SAMD5: variants seen among roughly 807,000 people sequenced by gnomAD.
SAMD5 encodes the protein sterile alpha motif domain-containing protein 5.
SAMD5 carries 13 observed loss-of-function variants against 11.3 expected under a neutral mutation model. That is an observed-to-expected ratio of 1.15 (90% CI 0.75 to 1.83). SAMD5 has a LOEUF of 1.83. Ranked by LOEUF, SAMD5 falls within the 40% of genes most tolerant of loss-of-function variation. The pLI is 0.00. For missense variants in SAMD5, 255 were observed against 239.1 expected (o/e 1.07, Z -0.44); for synonymous variants, 129 against 111.3 (o/e 1.16, Z -1.00).
At chr6:147,722,761 T>C (rs1051442575) in intron 1 of SAMD5, among the ~76,000 whole-genome samples, 1 of 152,202 alleles carries the variant, frequency 6.6e-6, no homozygotes, top group African/African-American at 2.4e-5. Context: ...ACACTGTGTA[T>C]AAAATAACAG....
chr6:147,891,699 C>T, the SAMD5 span, among the ~76,000 whole-genome samples: 4 of 152,002 alleles, frequency 2.6e-5, no homozygotes, highest in Non-Finnish European at 5.9e-5. Flanking sequence ...CATTTCTGAA[C>T]TCATTTAAGC....
chr6:147,612,925 A>G (rs702356), intron 1 of SAMD5, among the ~76,000 whole-genome samples: 56,669 of 151,980 alleles, frequency 0.37, 12,816 homozygotes, highest in African/African-American at 0.64. Context: ...TTGGTTGGGC[A>G]TGGTGGCTCA....
At chr6:147,623,841 T>C (rs1790008162) in intron 1 of SAMD5, among the ~76,000 whole-genome samples, 1 of 152,198 alleles carries the variant, frequency 6.6e-6, no homozygotes, top group South Asian at 2.1e-4. Context: ...ACTTATTTCC[T>C]GGATCAGTTT....
the SAMD5 span, among the ~76,000 whole-genome samples, chr6:147,858,387 G>GA: frequency 6.6e-6 from 1 of 152,104 alleles, no homozygotes; most frequent in Non-Finnish European, 1.5e-5. Flanking sequence ...CTTTTGGTAA[G>GA]AATTGTTTAA....
rs1193123115 is a variant in SAMD5, at chr6:147,711,015, A to G, written c.163-26302A>G. On this transcript the variant is annotated intron_variant, in intron 1 of 1. Transcript: ENST00000566741. The surrounding 1 kb of genome is among the most constrained non-coding windows in gnomAD (Gnocchi z 4.1). ...GGGAGGGAAGGAAAATAAAGGAAGG[A>G]AGGAAATAAGGAAGGAGGGAAGGAA... Among the ~76,000 whole-genome samples the G allele has an allele frequency of 6.6e-6, 1 of 151,396 alleles. No homozygotes were observed. The highest frequency in any genetic ancestry group is 2.4e-5 in the African/African-American group (1 of 41,146).
intron 1 of SAMD5, among the ~76,000 whole-genome samples, chr6:147,688,709 C>T (rs901657560): frequency 1.3e-5 from 2 of 152,188 alleles, no homozygotes; most frequent in Non-Finnish European, 2.9e-5. Context: ...GCTCACTTCT[C>T]CAAGCTTCTC....
Position 147,570,004 on chromosome 6 carries a change from G to A in SAMD5, c.*5548G>A, listed in dbSNP as rs2128445239. On this transcript the variant is annotated 3_prime_UTR_variant, in exon 2 of 2. Transcript: ENST00000367474. The stretch of plus-strand genomic sequence containing the variant: ...AACATATGTCCGCTCTTCAATAAAT[G>A]TTACGGCTTTCACAGCGGTTCCGCC... The A allele has an allele frequency of 1.0e-6, 1 of 984,612 alleles. No individual in the cohort carries two copies. The highest frequency in any genetic ancestry group is 4.7e-5 in the South Asian group (1 of 21,280). 61.0% of individuals were successfully genotyped at this position (984,612 alleles called of 1,614,324 possible).
chr6:147,774,056 G>C, the SAMD5 span, among the ~76,000 whole-genome samples: 168 of 152,202 alleles, frequency 1.1e-3, no homozygotes, highest in African/African-American at 3.9e-3. Flanking sequence ...GGCCCAGACT[G>C]ACCTCAAACT....
chr6:147,554,642 A>C (rs2128443435), intron 1 of SAMD5, among the ~76,000 whole-genome samples: 1 of 152,282 alleles, frequency 6.6e-6, no homozygotes, highest in South Asian at 2.1e-4. Flanking sequence ...ACAGGAGAGA[A>C]AAGTCACCTC....
chr6:147,670,721 C>A (rs1040670794), intron 1 of SAMD5, among the ~76,000 whole-genome samples: 11 of 152,210 alleles, frequency 7.2e-5, no homozygotes, highest in African/African-American at 2.4e-4. Flanking sequence ...AGAGTTAGAG[C>A]CCTGCTTTGA....
intron 1 of SAMD5, among the ~76,000 whole-genome samples, chr6:147,584,574 A>C (rs1418241946): frequency 6.6e-6 from 1 of 152,182 alleles, no homozygotes; most frequent in African/African-American, 2.4e-5. Flanking sequence ...TTCCTAGCCC[A>C]TAGTCCTTAT....
intron 1 of SAMD5, among the ~76,000 whole-genome samples, chr6:147,704,996 G>A (rs1791306229): frequency 6.6e-6 from 1 of 152,162 alleles, no homozygotes; most frequent in Non-Finnish European, 1.5e-5. Context: ...AAAGTGAGCT[G>A]GGAACTGTGA....
intron 1 of SAMD5, among the ~76,000 whole-genome samples, chr6:147,629,888 A>C (rs1384622124): frequency 6.6e-6 from 1 of 152,020 alleles, no homozygotes; most frequent in Non-Finnish European, 1.5e-5. Flanking sequence ...TGGAGGATCC[A>C]AGTCTAACAC....
chr6:147,877,877 CACACGATAGATA>C, the SAMD5 span, among the ~76,000 whole-genome samples: 5 of 84,568 alleles, frequency 5.9e-5, no homozygotes, highest in African/African-American at 1.8e-4. Flanking sequence ...CACACACACA[CACACGATAGATA>C]GATAGCTAGA....
chr6:147,951,193 T>C, the SAMD5 span, among the ~76,000 whole-genome samples: 478 of 99,022 alleles, frequency 4.8e-3, no homozygotes, highest in African/African-American at 0.014. Context: ...TTCTTTCTTT[T>C]TTTTTTTATG....
the SAMD5 span, among the ~76,000 whole-genome samples, chr6:147,851,871 AT>A: frequency 2.0e-5 from 3 of 152,268 alleles, no homozygotes; most frequent in African/African-American, 4.8e-5. Context: ...GAATATCCAG[AT>A]TTTTTTATCC....
intron 1 of SAMD5, among the ~76,000 whole-genome samples, chr6:147,676,573 G>T (rs1012056184): frequency 6.6e-6 from 1 of 152,060 alleles, no homozygotes; most frequent in South Asian, 2.1e-4. Flanking sequence ...TGAATTCAAC[G>T]AGGGTAGGGA....
intron 1 of SAMD5, among the ~76,000 whole-genome samples, chr6:147,515,683 A>G (rs1388846561): frequency 2.0e-5 from 3 of 152,052 alleles, no homozygotes; most frequent in East Asian, 1.9e-4. Flanking sequence ...TAAGATCACA[A>G]TTGCAAGGAA....
At chr6:147,831,424 C>T in the SAMD5 span, among the ~76,000 whole-genome samples, 3 of 152,188 alleles carry the variant, frequency 2.0e-5, no homozygotes, top group Non-Finnish European at 4.4e-5. Flanking sequence ...CTCCTGCTTT[C>T]CTCTTTTTCT....
Sources: gnomAD v4.1 joint callset for allele counts (sites outside exome capture counted in the v4.1 genomes callset) on GRCh38, gnomAD v4.1.1 for gene constraint, Gnocchi (gnomAD v3.1) non-coding constraint, MANE v1.5 for transcripts, NCBI Gene and HGNC (gene_info 2026-07-23, HGNC 2026-07-21) for gene names.